Variants in SEMA6D observed in about 807,000 individuals in gnomAD.
The protein encoded by SEMA6D is semaphorin 6D.
A neutral mutation model predicts 106.6 loss-of-function variants in SEMA6D; 35 were observed. The ratio of observed to expected loss-of-function variants is 0.33; its 90% CI spans 0.25 to 0.44. The LOEUF (loss-of-function observed/expected upper bound fraction) is 0.44. SEMA6D is among the 20% of genes least tolerant of loss of function. The probability of loss-of-function intolerance (pLI) is 1.00; values close to 1 mark genes in which losing one functional copy is unlikely to be tolerated. For missense variants in SEMA6D, 1,185 were observed against 1,345.9 expected (o/e 0.88, Z 1.87); for synonymous variants, 499 against 487.7 (o/e 1.02, Z -0.31).
intron 3 of SEMA6D, among the ~76,000 whole-genome samples, chr15:47,589,141 C>T (rs1041851190): frequency 2.0e-5 from 3 of 152,188 alleles, no homozygotes; most frequent in Non-Finnish European, 4.4e-5. Context: ...CCGGCTGAGT[C>T]ACATGAGGGT....
chr15:47,601,458 C>T (rs6493284), intron 4 of SEMA6D, among the ~76,000 whole-genome samples: 27,670 of 152,000 alleles, frequency 0.18, 2,902 homozygotes, highest in African/African-American at 0.26. Flanking sequence ...TTTTTTATTT[C>T]ATTAGAAAAT....
chr15:47,657,215 A>T (rs968983854), intron 4 of SEMA6D, among the ~76,000 whole-genome samples: 1 of 152,246 alleles, frequency 6.6e-6, no homozygotes, highest in Non-Finnish European at 1.5e-5. Flanking sequence ...CAGATGATAA[A>T]GAGTGAACTG....
chr15:47,384,106 G>T (rs918407975), intron 1 of SEMA6D, among the ~76,000 whole-genome samples: 2 of 152,110 alleles, frequency 1.3e-5, no homozygotes, highest in African/African-American at 2.4e-5. Context: ...AAAGTAGCAG[G>T]GTTTAAGTTT....
intron 3 of SEMA6D, among the ~76,000 whole-genome samples, chr15:47,513,817 A>C (rs2044304705): frequency 6.6e-6 from 1 of 152,204 alleles, no homozygotes; most frequent in African/African-American, 2.4e-5. Flanking sequence ...TATAACTTTT[A>C]AATTGTTTAG....
intron 1 of SEMA6D, among the ~76,000 whole-genome samples, chr15:47,219,459 G>C (rs1011503011): frequency 1.3e-5 from 2 of 152,180 alleles, no homozygotes; most frequent in Admixed American, 6.5e-5. Flanking sequence ...TTCTCTTAAA[G>C]ACTGTGATTA....
intron 3 of SEMA6D, among the ~76,000 whole-genome samples, chr15:47,520,853 TG>T (rs2044550599): frequency 6.6e-6 from 1 of 152,112 alleles, no homozygotes; most frequent in Non-Finnish European, 1.5e-5. Context: ...CTGGCAAAAG[TG>T]GATGTGCCTG....
At chr15:47,354,133 A>G (rs1460041617) in intron 1 of SEMA6D, among the ~76,000 whole-genome samples, 1 of 150,550 alleles carries the variant, frequency 6.6e-6, no homozygotes, top group Non-Finnish European at 1.5e-5. Flanking sequence ...GAGTGTGTAT[A>G]TATATATGGA....
intron 1 of SEMA6D, among the ~76,000 whole-genome samples, chr15:47,232,720 C>G (rs1221324824): frequency 6.6e-6 from 1 of 151,312 alleles, no homozygotes; most frequent in Non-Finnish European, 1.5e-5. Flanking sequence ...ATTTTCCATT[C>G]ATATACTTTG....
chr15:47,351,749 G>A (rs931366240), intron 1 of SEMA6D, among the ~76,000 whole-genome samples: 1 of 152,166 alleles, frequency 6.6e-6, no homozygotes, highest in South Asian at 2.1e-4. Flanking sequence ...TTCTAACCAT[G>A]ACTCAAATCA....
At chr15:47,695,515 GACACACACACGAACACATGC>G (rs967084906) in intron 4 of SEMA6D, among the ~76,000 whole-genome samples, 5 of 151,802 alleles carry the variant, frequency 3.3e-5, no homozygotes, top group African/African-American at 1.2e-4. Flanking sequence ...CACACGCATA[GACACACACACGAACACATGC>G]ACACACACAC....
chr15:47,386,892 G>A (rs2039856730), intron 1 of SEMA6D, among the ~76,000 whole-genome samples: 1 of 152,232 alleles, frequency 6.6e-6, no homozygotes, highest in Admixed American at 6.5e-5. Flanking sequence ...TCTGTGTTTT[G>A]TTTATTTGCA....
At chr15:47,650,651 A>G (rs760064410) in intron 4 of SEMA6D, among the ~76,000 whole-genome samples, 1 of 152,228 alleles carries the variant, frequency 6.6e-6, no homozygotes, top group Non-Finnish European at 1.5e-5. Context: ...ACATTGTGAC[A>G]TAGGAGAAAC....
At chr15:47,685,917 A>T (rs561906024) in intron 4 of SEMA6D, among the ~76,000 whole-genome samples, 1 of 152,312 alleles carries the variant, frequency 6.6e-6, no homozygotes, top group African/African-American at 2.4e-5. Flanking sequence ...TGATTAAAAG[A>T]TGCATATCTG....
At chr15:47,242,587 G>A (rs918305470) in intron 1 of SEMA6D, among the ~76,000 whole-genome samples, 1 of 152,172 alleles carries the variant, frequency 6.6e-6, no homozygotes, top group Non-Finnish European at 1.5e-5. Flanking sequence ...CAGGCTTGAA[G>A]TTTTGTTAAA....
At chr15:47,365,376 C>A (rs2038973581) in intron 1 of SEMA6D, among the ~76,000 whole-genome samples, 1 of 152,092 alleles carries the variant, frequency 6.6e-6, no homozygotes, top group African/African-American at 2.4e-5. Flanking sequence ...CCCAGGGACT[C>A]CCGCAGGTGG....
intron 1 of SEMA6D, among the ~76,000 whole-genome samples, chr15:47,408,674 A>G (rs768096812): frequency 1.1e-4 from 17 of 152,254 alleles, no homozygotes; most frequent in Admixed American, 1.3e-4. Flanking sequence ...AGTGTTAATA[A>G]GCAAATAGGT....
At chr15:47,621,655 T>A (rs1328924785) in intron 4 of SEMA6D, among the ~76,000 whole-genome samples, 1 of 152,120 alleles carries the variant, frequency 6.6e-6, no homozygotes, top group Non-Finnish European at 1.5e-5. Context: ...AAGGTCTTCC[T>A]CCACACCCAC....
chr15:47,710,371 T>C (rs1466912812), intron 4 of SEMA6D, among the ~76,000 whole-genome samples: 1 of 152,184 alleles, frequency 6.6e-6, no homozygotes, highest in Non-Finnish European at 1.5e-5. Context: ...ATAGTATGCC[T>C]TGAAACTGAG....
At chr15:47,264,620 C>G (rs1162147535) in intron 1 of SEMA6D, among the ~76,000 whole-genome samples, 1 of 151,978 alleles carries the variant, frequency 6.6e-6, no homozygotes, top group Non-Finnish European at 1.5e-5. Context: ...GTTTCCCTGG[C>G]TAGAACTTCC....
Sources: gnomAD v4.1 joint callset for allele counts (sites outside exome capture counted in the v4.1 genomes callset) on GRCh38, gnomAD v4.1.1 for gene constraint, MANE v1.5 for transcripts, NCBI Gene and HGNC (gene_info 2026-07-23, HGNC 2026-07-21) for gene names.